The following RAI1 variants were observed in gnomAD, a reference collection of about 807,000 sequenced individuals.
RAI1 encodes retinoic acid induced 1, also known as retinoic acid-induced protein 1.
Under a neutral mutation model 123.8 loss-of-function variants are expected in RAI1, and 9 were observed. The ratio of observed to expected loss-of-function variants is 0.07; its 90% CI spans 0.04 to 0.13. The LOEUF (loss-of-function observed/expected upper bound fraction) is 0.13, where lower values mean the gene tolerates loss of function less well. RAI1 is among the 10% of genes least tolerant of loss of function. The pLI, the probability that RAI1 is intolerant of heterozygous loss-of-function variation, is 1.00. For synonymous variants in RAI1, 1,231 were observed against 1,127.3 expected, an observed-to-expected ratio of 1.09 and a Z score of -1.84; for missense variants, 2,256 against 2,545.8, an observed-to-expected ratio of 0.89 and a Z score of 2.45.
Position 17,734,854 on chromosome 17 carries a change from C to A in RAI1, c.-17+10695C>A, listed in dbSNP as rs76556206. 7.6e-3 allele frequency among the ~76,000 whole-genome samples: 1,151 copies of A among 152,310 alleles called. 49 individuals carry two copies. The highest frequency in any genetic ancestry group is 0.064 in the Admixed American group (973 of 15,304). ...CTGACACCAGCTCGCGACACCAGCT[C>A]GCCCTCCACAAAGCTATTTCCAGGC... is the stretch of plus-strand genomic sequence containing the variant. On this transcript the variant is annotated intron_variant, in intron 2 of 5. Transcript: ENST00000353383.
At chr17:17,682,727 C>T (rs974688806) in intron 1 of RAI1, among the ~76,000 whole-genome samples, 3 of 152,300 alleles carry the variant, frequency 2.0e-5, no homozygotes, top group East Asian at 1.9e-4. Context: ...GCCCCAGCTT[C>T]CTGGGGCGCC....
intron 2 of RAI1, among the ~76,000 whole-genome samples, chr17:17,764,472 CTTT>C (rs60189169): frequency 3.7e-5 from 5 of 134,330 alleles, no homozygotes; most frequent in Non-Finnish European, 3.1e-5. Flanking sequence ...TTCTTTTCCT[CTTT>C]TTTTTTTTTT....
At chr17:17,765,590 A>G (rs1224451908) in intron 2 of RAI1, among the ~76,000 whole-genome samples, 1 of 152,264 alleles carries the variant, frequency 6.6e-6, no homozygotes, top group Non-Finnish European at 1.5e-5. Context: ...GAATAGTTGT[A>G]TAATATTTGA....
intron 1 of RAI1, among the ~76,000 whole-genome samples, chr17:17,707,875 T>C (rs1262404220): frequency 6.6e-6 from 1 of 152,192 alleles, no homozygotes; most frequent in East Asian, 1.9e-4. Flanking sequence ...ATCATAGGTG[T>C]GAGCCACCGT....
intron 2 of RAI1, among the ~76,000 whole-genome samples, chr17:17,746,757 T>G (rs996925703): frequency 2.1e-5 from 3 of 146,172 alleles, no homozygotes; most frequent in African/African-American, 7.5e-5. Flanking sequence ...TGCCTCAGCC[T>G]CCCAAGTAGC....
At position 17,739,913 on chromosome 17, in the gene RAI1, G is replaced by A. The variant is rs544898192; in HGVS notation, c.-17+15754G>A. Among the ~76,000 whole-genome samples, 19 of 152,270 alleles carry A rather than the reference G, an allele frequency of 1.2e-4. No individual in the cohort carries two copies. The South Asian group carries it at 1.7e-3, about 13-fold the overall frequency. ...GCCCAGATGGAGGGCAGCGGTGCTC[G>A]GCCCTTCCCCCAAGCACATACAGCC... is the stretch of plus-strand genomic sequence containing the variant. On this transcript the variant is annotated intron_variant, in intron 2 of 5. Transcript: ENST00000353383.
chr17:17,782,932 G>A (rs1332367790), intron 2 of RAI1, among the ~76,000 whole-genome samples: 1 of 152,118 alleles, frequency 6.6e-6, no homozygotes, highest in African/African-American at 2.4e-5. Context: ...CGCGCCCCTT[G>A]CCGCCGCCGC....
rs1262689953 is a variant in RAI1 at position 17,811,426 on chromosome 17, A to G, written c.*1445A>G. On this transcript the variant is annotated 3_prime_UTR_variant, in exon 6 of 6. Transcript: ENST00000353383. ...CAGAAAAAAAAAAAAAAAAAAGTCA[A>G]TAAAGATACAACGATTGTTTTGGAA... 1.3e-5 allele frequency: 3 copies of G among 225,770 alleles called. No homozygotes were observed. The highest frequency in any genetic ancestry group is 1.8e-5 in the Non-Finnish European group (2 of 111,360). 14.0% of individuals were successfully genotyped at this position (225,770 alleles called of 1,614,324 possible).
chr17:17,749,103 C>T lies in RAI1; in HGVS notation c.-17+24944C>T, dbSNP rs930761252. Among the ~76,000 whole-genome samples, 19 of 152,362 alleles carry T rather than the reference C, an allele frequency of 1.2e-4. No individual in the cohort carries two copies. The East Asian group carries it at 1.7e-3, about 14-fold the overall frequency. ...CTGCAATACCCTTCACAACCATCCC[C>T]GTCCAGAAAGAGGCTGAATGGCGGC... On this transcript the variant is annotated intron_variant, in intron 2 of 5. Transcript: ENST00000353383.
chr17:17,803,155 C>CATG (rs2032515197), intron 3 of RAI1, among the ~76,000 whole-genome samples: 1 of 150,618 alleles, frequency 6.6e-6, no homozygotes, highest in Admixed American at 6.6e-5. Flanking sequence ...ACACCAGAAG[C>CATG]ATGCAGCAGA....
chr17:17,786,648 A>C (rs992267097), intron 2 of RAI1, among the ~76,000 whole-genome samples: 1 of 152,258 alleles, frequency 6.6e-6, no homozygotes, highest in African/African-American at 2.4e-5. Flanking sequence ...TCACACAGTC[A>C]GCCAGCAGTC....
At position 17,798,248 on chromosome 17, in the gene RAI1, GC is replaced by G; in HGVS notation, c.5303del (p.Pro1768HisfsTer82). ...PDGPADPAKQ[G>X]PLRTSARGLS... ...GGCCCAGCTGACCCGGCCAAGCAGG[GC>G]CCACTGCGCACCAGTGCCCGGGGCC... On this transcript the variant is annotated frameshift_variant, in exon 3 of 6. Coordinates refer to ENST00000353383, the MANE Select transcript of RAI1 (RefSeq NM_030665.4). The G allele has an allele frequency of 6.2e-7, 1 of 1,607,840 alleles. No individual in the cohort carries two copies. Among genetic ancestry groups the G allele is most frequent in the Non-Finnish European group, 8.5e-7 (1 of 1,177,398 alleles).
Position 17,793,160 on chromosome 17 carries a change from C to G in RAI1, c.212C>G (p.Ala71Gly). 6.2e-7 allele frequency: 1 copy of G among 1,613,118 alleles called. No homozygotes were observed. Among genetic ancestry groups the G allele is most frequent in the Non-Finnish European group, 8.5e-7 (1 of 1,179,876 alleles). ...GCTGGCACGCCCTCTGGCACTGCAG[C>G]CGCGGTGGCCGCCGACAAGTACCAC... Reference protein sequence around the residue: ...GGAGTPSGTAAAVAADKYHRG... With the variant: ...GGAGTPSGTAGAVAADKYHRG... Residue 71 changes from alanine (A) to glycine (G), a missense_variant, in exon 3 of 6, where the codon GCC (alanine) becomes GGC (glycine). Ala to Gly is a moderately conservative substitution (Grantham distance 60). Coordinates refer to ENST00000353383, the MANE Select transcript of RAI1 (RefSeq NM_030665.4).
At chr17:17,704,004 G>A (rs959888240) in intron 1 of RAI1, among the ~76,000 whole-genome samples, 29 of 152,300 alleles carry the variant, frequency 1.9e-4, no homozygotes, top group African/African-American at 6.7e-4. Context: ...GTGAGCCACT[G>A]TGCACCAGGG....
At chr17:17,724,588 AG>A (rs1244419360) in intron 2 of RAI1, among the ~76,000 whole-genome samples, 79 of 151,978 alleles carry the variant, frequency 5.2e-4, no homozygotes, top group African/African-American at 1.8e-3. Flanking sequence ...ATGCCAGAGA[AG>A]GAAGGAGTTC....
In RAI1 at chr17:17,792,990, A is replaced by G; in HGVS notation, c.42A>G (p.Gln14=). Reference sequence around the variant, plus strand: ...AAAGGTGTGGTTTCCATGGCAAACAACAGAACTACCAGCAGACCTCGCAGG... The same window carrying G: ...AAAGGTGTGGTTTCCATGGCAAACAGCAGAACTACCAGCAGACCTCGCAGG... ...FRERCGFHGK[Q]QNYQQTSQET... The change falls in exon 3 of 6, where the codon CAA becomes CAG. Residue 14 remains glutamine, a synonymous_variant. Transcript: ENST00000353383. The G allele has an allele frequency of 4.3e-6, 7 of 1,614,032 alleles. No homozygotes were observed. Among genetic ancestry groups the G allele is most frequent in the Non-Finnish European group, 5.9e-6 (7 of 1,179,968 alleles).
At chr17:17,787,459 TA>T (rs975772611) in intron 2 of RAI1, among the ~76,000 whole-genome samples, 3 of 150,928 alleles carry the variant, frequency 2.0e-5, no homozygotes, top group South Asian at 2.1e-4. Flanking sequence ...TAAAGTGATC[TA>T]AAAAAAAAAT....
chr17:17,781,623 G>A (rs1567900285), intron 2 of RAI1, among the ~76,000 whole-genome samples: 1 of 152,196 alleles, frequency 6.6e-6, no homozygotes, highest in Non-Finnish European at 1.5e-5. Context: ...GGGAGGGTGA[G>A]CCTGAAAAGG....
At chr17:17,743,986 C>G (rs1359420751) in intron 2 of RAI1, among the ~76,000 whole-genome samples, 4 of 152,198 alleles carry the variant, frequency 2.6e-5, no homozygotes, top group Non-Finnish European at 1.5e-5. Context: ...TCTGTCTGCC[C>G]GATTCTGGTT....
Sources: gnomAD v4.1 joint callset for allele counts (sites outside exome capture counted in the v4.1 genomes callset) on GRCh38, gnomAD v4.1.1 for gene constraint, MANE v1.5 for transcripts, NCBI Gene and HGNC (gene_info 2026-07-23, HGNC 2026-07-21) for gene names.